Variants in WDPCP observed in about 807,000 individuals in gnomAD.
WDPCP encodes WD repeat-containing and planar cell polarity effector protein fritz homolog.
WDPCP carries 71 observed loss-of-function variants against 93.1 expected under a neutral mutation model. The observed-to-expected ratio is 0.76, with a 90% CI of 0.63 to 0.93. WDPCP has a LOEUF of 0.93. Among genes scored for constraint, WDPCP ranks in the 40% least tolerant of loss-of-function variants. The probability of loss-of-function intolerance (pLI) is 0.00; values close to 1 mark genes in which losing one functional copy is unlikely to be tolerated. For missense variants in WDPCP, 844 were observed against 887.4 expected (o/e 0.95, Z 0.62); for synonymous variants, 315 against 315.0 (o/e 1.00, Z 0.00).
At chr2:63,746,598 G>A (rs1392992126) in intron 2 of WDPCP, among the ~76,000 whole-genome samples, 1 of 152,032 alleles carries the variant, frequency 6.6e-6, no homozygotes, top group African/African-American at 2.4e-5. Context: ...GCATTCCCAG[G>A]GGGGGCCTCT....
intron 2 of WDPCP, among the ~76,000 whole-genome samples, chr2:63,779,681 C>T (rs1204342266): frequency 1.3e-5 from 2 of 152,068 alleles, no homozygotes; most frequent in Non-Finnish European, 1.5e-5. Context: ...GTTGATTAAG[C>T]GCCTTGTGAG....
At chr2:63,330,650 A>T (rs1443817921) in intron 12 of WDPCP, among the ~76,000 whole-genome samples, 1 of 152,038 alleles carries the variant, frequency 6.6e-6, no homozygotes, top group Non-Finnish European at 1.5e-5. Flanking sequence ...CTAAAAACTC[A>T]TTGCCAAAAC....
intron 4 of WDPCP, among the ~76,000 whole-genome samples, chr2:63,486,326 TAAAC>T (rs1021291265): frequency 1.1e-4 from 16 of 151,994 alleles, no homozygotes; most frequent in African/African-American, 3.6e-4. Context: ...TATGTTTATA[TAAAC>T]AAACATTTTA....
chr2:63,128,689 A>G (rs930610481), intron 17 of WDPCP, among the ~76,000 whole-genome samples: 1 of 152,074 alleles, frequency 6.6e-6, no homozygotes, highest in African/African-American at 2.4e-5. Context: ...CTTATTTGAG[A>G]TGGAATTTTG....
At chr2:63,791,766 C>T (rs975992875) in intron 2 of WDPCP, among the ~76,000 whole-genome samples, 2 of 152,048 alleles carry the variant, frequency 1.3e-5, no homozygotes, top group African/African-American at 4.8e-5. Flanking sequence ...ACCTAACAGA[C>T]GTAGGGTTGA....
intron 2 of WDPCP, among the ~76,000 whole-genome samples, chr2:63,787,656 C>A (rs756057370): frequency 1.8e-4 from 28 of 152,054 alleles, no homozygotes; most frequent in Non-Finnish European, 3.1e-4. Context: ...TGGGCACTGA[C>A]CATAATCCAC....
intron 12 of WDPCP, among the ~76,000 whole-genome samples, chr2:63,373,913 C>T (rs1197473267): frequency 6.6e-6 from 1 of 151,946 alleles, no homozygotes; most frequent in Non-Finnish European, 1.5e-5. Context: ...CCTTAGAATG[C>T]TTTAACTCTC....
intron 2 of WDPCP, among the ~76,000 whole-genome samples, chr2:63,696,608 T>C (rs1668964896): frequency 6.6e-6 from 1 of 152,162 alleles, no homozygotes; most frequent in Non-Finnish European, 1.5e-5. Flanking sequence ...CCCACTACAG[T>C]TCACTGAGTA....
chr2:63,675,614 C>T (rs138913718), intron 2 of WDPCP, among the ~76,000 whole-genome samples: 1 of 152,166 alleles, frequency 6.6e-6, no homozygotes, highest in African/African-American at 2.4e-5. Flanking sequence ...CTTAGTCCTC[C>T]AAATTTGGCA....
chr2:63,135,924 G>T (rs987371414), intron 17 of WDPCP, among the ~76,000 whole-genome samples: 3 of 152,008 alleles, frequency 2.0e-5, no homozygotes, highest in African/African-American at 7.3e-5. Flanking sequence ...TTTAGAGATG[G>T]GGTCCTGCTA....
intron 1 of WDPCP, among the ~76,000 whole-genome samples, chr2:63,538,888 T>C (rs900580979): frequency 8.5e-5 from 13 of 152,166 alleles, no homozygotes; most frequent in African/African-American, 2.9e-4. Context: ...ACTTTTATTC[T>C]CTTCTGAAAA....
upstream of WDPCP, chr2:63,588,550 A>G: frequency 3.5e-6 from 2 of 578,680 alleles, no homozygotes; most frequent in East Asian, 2.9e-5. Flanking sequence ...AGCTTTACGC[A>G]GCGGAAGGTC....
chr2:63,599,033 A>T (rs1709371894), intron 3 of WDPCP: 1 of 627,392 alleles, frequency 1.6e-6, no homozygotes, highest in Non-Finnish European at 2.5e-6. Flanking sequence ...GCATTTTCCT[A>T]TGCTATATTG....
intron 12 of WDPCP, among the ~76,000 whole-genome samples, chr2:63,371,252 T>C (rs1691357555): frequency 6.6e-6 from 1 of 152,146 alleles, no homozygotes; most frequent in Admixed American, 6.6e-5. Context: ...GAAAATCCTG[T>C]TGTCAGAACC....
intron 6 of WDPCP, among the ~76,000 whole-genome samples, chr2:63,460,662 CT>C (rs923202631): frequency 4.0e-5 from 6 of 149,326 alleles, no homozygotes; most frequent in Admixed American, 6.7e-5. Flanking sequence ...GTAAGTCTCT[CT>C]TTTTTTTTTG....
At chr2:63,706,600 C>CTTTTTTTTTT (rs896018299) in intron 2 of WDPCP, among the ~76,000 whole-genome samples, 5 of 61,700 alleles carry the variant, frequency 8.1e-5, no homozygotes, top group Non-Finnish European at 1.4e-4. Flanking sequence ...AAATTCTTTT[C>CTTTTTTTTTT]TTTTTTTTTT....
chr2:63,774,531 T>C (rs933972679), intron 2 of WDPCP, among the ~76,000 whole-genome samples: 4 of 152,154 alleles, frequency 2.6e-5, no homozygotes, highest in African/African-American at 9.7e-5. Flanking sequence ...CTCTCTTTTC[T>C]GAGCTCCAGA....
chr2:63,250,186 T>C (rs1289298754), intron 14 of WDPCP, among the ~76,000 whole-genome samples: 1 of 152,122 alleles, frequency 6.6e-6, no homozygotes, highest in East Asian at 1.9e-4. Context: ...ATACAAGCAG[T>C]GCTACACCAT....
At chr2:63,625,356 G>A (rs761711704) in intron 3 of WDPCP, among the ~76,000 whole-genome samples, 1 of 152,058 alleles carries the variant, frequency 6.6e-6, no homozygotes, top group African/African-American at 2.4e-5. Flanking sequence ...AGAAATAAAG[G>A]GTATTCAAAC....
Sources: gnomAD v4.1 joint callset for allele counts (sites outside exome capture counted in the v4.1 genomes callset) on GRCh38, gnomAD v4.1.1 for gene constraint, MANE v1.5 for transcripts, NCBI Gene and HGNC (gene_info 2026-07-23, HGNC 2026-07-21) for gene names.